PREX1: variants seen among roughly 807,000 people sequenced by gnomAD.
PREX1 encodes phosphatidylinositol 3,4,5-trisphosphate-dependent Rac exchanger 1 protein.
A neutral mutation model predicts 198.3 loss-of-function variants in PREX1; 41 were observed. The ratio of observed to expected loss-of-function variants is 0.21; its 90% CI spans 0.16 to 0.27. The LOEUF (loss-of-function observed/expected upper bound fraction) is 0.27, where lower values mean the gene tolerates loss of function less well. Ranked by LOEUF, PREX1 falls within the 10% of genes least tolerant of loss-of-function variation. The probability of loss-of-function intolerance (pLI) is 1.00; values close to 1 mark genes in which losing one functional copy is unlikely to be tolerated. For missense variants in PREX1, 1,620 were observed against 2,200.7 expected (o/e 0.74, Z 5.28); for synonymous variants, 843 against 887.2 (o/e 0.95, Z 0.89).
rs1334786135 is a variant in PREX1 at position 48,827,063 on chromosome 20, T to G, written c.219+579A>C. On this transcript the variant is annotated intron_variant, in intron 1 of 39. Transcript: ENST00000371941. This position sits in a 1 kb window ranked among gnomAD's most constrained non-coding sequence, Gnocchi z 4.1. ...TGGGGGTGGATGCAGTTAGGGAGCC[T>G]GGACTGCCGAGTTTTGAGTTCGAAA... is the stretch of plus-strand genomic sequence containing the variant. 6.6e-6 allele frequency among the ~76,000 whole-genome samples: 1 copy of G among 152,158 alleles called. No homozygotes were observed. The highest frequency in any genetic ancestry group is 1.9e-4 in the East Asian group (1 of 5,182).
At chr20:48,768,378 G>A (rs1414685986) in intron 1 of PREX1, among the ~76,000 whole-genome samples, 5 of 152,306 alleles carry the variant, frequency 3.3e-5, no homozygotes, top group Admixed American at 6.5e-5. Flanking sequence ...CAAACTGGAC[G>A]CATCTCAAAA....
At chr20:48,768,880 T>G (rs1427567511) in intron 1 of PREX1, among the ~76,000 whole-genome samples, 1 of 151,900 alleles carries the variant, frequency 6.6e-6, no homozygotes, top group Non-Finnish European at 1.5e-5. Flanking sequence ...CTGGTGGTGA[T>G]GCATACGTAA....
At chr20:48,633,530 A>C (rs576150458) in intron 33 of PREX1, among the ~76,000 whole-genome samples, 31 of 152,366 alleles carry the variant, frequency 2.0e-4, no homozygotes, top group African/African-American at 7.5e-4. Context: ...AATTAAACCC[A>C]CATGCCTCAG....
chr20:48,646,028 G>T lies in PREX1; in HGVS notation c.3335C>A (p.Ser1112Ter), dbSNP rs532471774. 1 of 1,613,992 alleles carries T rather than the reference G, an allele frequency of 6.2e-7. No individual in the cohort carries two copies. Among genetic ancestry groups the T allele is most frequent in the Non-Finnish European group, 8.5e-7 (1 of 1,180,028 alleles). Residue 1112 changes from serine to a stop codon, truncating the protein, a stop_gained, in exon 26 of 40, where the codon TCG (serine) becomes TAG (stop). Transcript: ENST00000371941. LOFTEE classifies it high-confidence loss of function. ...RLLSTITEPT[S>*]GGSCDASLAE... ...CAAGGATGCGTCGCAGGACCCACCC[G>T]AGGTGGGCTCTGTGATGGTGGACAG... is the stretch of plus-strand genomic sequence containing the variant.
intron 5 of PREX1, among the ~76,000 whole-genome samples, chr20:48,717,959 A>G (rs914817428): frequency 6.6e-6 from 1 of 152,236 alleles, no homozygotes; most frequent in Admixed American, 6.5e-5. Context: ...GCAAAGCAGA[A>G]GCTCTGGCCA....
chr20:48,837,825 G>A, the PREX1 span, among the ~76,000 whole-genome samples: 1 of 150,428 alleles, frequency 6.6e-6, no homozygotes, highest in East Asian at 1.9e-4. Context: ...TAAAATAAAA[G>A]TTTAATGAGA....
chr20:48,796,218 G>T (rs1439389429), intron 1 of PREX1, among the ~76,000 whole-genome samples: 1 of 151,992 alleles, frequency 6.6e-6, no homozygotes, highest in South Asian at 2.1e-4. Flanking sequence ...GTATGAAGTG[G>T]CATGTGTCTG....
chr20:48,691,004 C>T lies in PREX1; in HGVS notation c.1129G>A (p.Ala377Thr). The T allele has an allele frequency of 1.9e-6, 3 of 1,614,258 alleles. No homozygotes were observed. The highest frequency in any genetic ancestry group is 1.1e-5 in the South Asian group (1 of 91,088). Residue 377 changes from alanine to threonine, a missense_variant, in exon 9 of 40, where the codon GCA (alanine) becomes ACA (threonine). This residue lies in a region of PREX1 where 488 missense variants were observed against 802.5 expected (regional missense o/e 0.61). Coordinates refer to ENST00000371941, the MANE Select transcript of PREX1 (RefSeq NM_020820.4). This position sits in a 1 kb window ranked among gnomAD's most constrained non-coding sequence, Gnocchi z 5.0. ...NKWFVCMAKTAEEKQKWLDAI... is the reference protein window; with the variant it reads ...NKWFVCMAKTTEEKQKWLDAI... Reference sequence around the variant, plus strand: ...TCCAGCCACTTCTGCTTCTCCTCTGCCGTCTTGGCCATGCAGACAAACCAC... The same window carrying T: ...TCCAGCCACTTCTGCTTCTCCTCTGTCGTCTTGGCCATGCAGACAAACCAC...
chr20:48,644,434 G>A lies in PREX1; in HGVS notation c.3576C>T (p.Tyr1192=). Residue 1192 remains tyrosine (Y), a synonymous_variant, in exon 27 of 40, where the codon TAC becomes TAT. Coordinates refer to ENST00000371941, the MANE Select transcript of PREX1 (RefSeq NM_020820.4). ...SYTSVRSNSS[Y]LGSDEMGSGD... is the part of the protein sequence containing the mutation. ...CAGACCCCATCTCGTCGCTGCCCAA[G>A]TAGGAGCTGTTACTTCTCACGCTGG... The A allele has an allele frequency of 4.3e-6, 7 of 1,613,946 alleles. No homozygotes were observed. In the South Asian group the frequency reaches 7.7e-5, roughly 18 times the overall value.
At chr20:48,881,684 A>AC in the PREX1 span, among the ~76,000 whole-genome samples, 1 of 151,930 alleles carries the variant, frequency 6.6e-6, no homozygotes, top group African/African-American at 2.4e-5. Context: ...ACGGGGTTTC[A>AC]CCCTATTGGC....
At chr20:48,636,950 C>T (rs1339912398) in intron 31 of PREX1, among the ~76,000 whole-genome samples, 5 of 152,254 alleles carry the variant, frequency 3.3e-5, no homozygotes, top group African/African-American at 9.6e-5. Flanking sequence ...AAACAAACAT[C>T]TTGTGATTTT....
At chr20:48,855,990 G>T in the PREX1 span, among the ~76,000 whole-genome samples, 1 of 152,350 alleles carries the variant, frequency 6.6e-6, no homozygotes, top group Admixed American at 6.5e-5. Context: ...GTAAAGGGAT[G>T]GAGAGTGACG....
At chr20:48,652,376 G>A (rs1473097188) in intron 21 of PREX1, among the ~76,000 whole-genome samples, 1 of 152,120 alleles carries the variant, frequency 6.6e-6, no homozygotes, top group African/African-American at 2.4e-5. Flanking sequence ...GGAGGTTGGG[G>A]CTGCAGTGAG....
intron 5 of PREX1, among the ~76,000 whole-genome samples, chr20:48,715,180 C>T (rs749370588): frequency 5.3e-5 from 8 of 152,148 alleles, no homozygotes; most frequent in Non-Finnish European, 8.8e-5. Context: ...CCAAGAGGTG[C>T]TTGCTTGCTT....
chr20:48,711,842 G>A (rs924435056), intron 5 of PREX1, among the ~76,000 whole-genome samples: 6 of 152,208 alleles, frequency 3.9e-5, no homozygotes, highest in Non-Finnish European at 7.3e-5. Flanking sequence ...GATGGGGCGC[G>A]AGCAGAAGTG....
the PREX1 span, among the ~76,000 whole-genome samples, chr20:48,845,702 C>CAAAAAAA: frequency 2.9e-5 from 3 of 103,036 alleles, no homozygotes; most frequent in Admixed American, 1.0e-4. Context: ...ACCTTGTTTC[C>CAAAAAAA]AAAAAAAAAA....
intron 1 of PREX1, among the ~76,000 whole-genome samples, chr20:48,759,644 C>T (rs1297729352): frequency 6.6e-6 from 1 of 151,916 alleles, no homozygotes; most frequent in Non-Finnish European, 1.5e-5. Context: ...TGCTTACAAG[C>T]TCTAAGACCT....
intron 6 of PREX1, among the ~76,000 whole-genome samples, chr20:48,705,409 C>T (rs924447550): frequency 6.6e-6 from 1 of 152,200 alleles, no homozygotes; most frequent in Non-Finnish European, 1.5e-5. Flanking sequence ...ACCTCAAGCA[C>T]ACAGCAAGAA....
At chr20:48,770,039 T>C (rs1897512060) in intron 1 of PREX1, among the ~76,000 whole-genome samples, 1 of 152,170 alleles carries the variant, frequency 6.6e-6, no homozygotes, top group South Asian at 2.1e-4. Context: ...GAATGGACTT[T>C]CTAAAATTTT....
Sources: gnomAD v4.1 joint callset for allele counts (sites outside exome capture counted in the v4.1 genomes callset) on GRCh38, gnomAD v4.1.1 for gene constraint, gnomAD v4.1.1 regional missense constraint, Gnocchi (gnomAD v3.1) non-coding constraint, MANE v1.5 for transcripts, NCBI Gene and HGNC (gene_info 2026-07-23, HGNC 2026-07-21) for gene names.